Variants in CPM observed in about 807,000 individuals in gnomAD.
CPM encodes the protein renal carboxypeptidase.
Under a neutral mutation model 46.4 loss-of-function variants are expected in CPM, and 35 were observed. The observed-to-expected ratio is 0.75, with a 90% CI of 0.58 to 1.00. The LOEUF (loss-of-function observed/expected upper bound fraction) is 1.00. Among genes scored for constraint, CPM ranks in the 50% least tolerant of loss-of-function variants. The probability of loss-of-function intolerance (pLI) is 0.00; values close to 1 mark genes in which losing one functional copy is unlikely to be tolerated. For missense variants in CPM, 422 were observed against 530.4 expected (o/e 0.80, Z 2.01); for synonymous variants, 195 against 195.3 (o/e 1.00, Z 0.01).
intron 1 of CPM, among the ~76,000 whole-genome samples, chr12:68,962,653 GCCA>G (rs1297407181): frequency 6.6e-6 from 1 of 152,140 alleles, no homozygotes; most frequent in East Asian, 1.9e-4. Flanking sequence ...ACAAGCTCAG[GCCA>G]TGATGGGAAG....
Position 68,910,790 on chromosome 12 carries a change from C to T in CPM, c.160+21888G>A, listed in dbSNP as rs146112913. ...ATGCTACAAATACAATGCTGTATAT[C>T]CTCATATATACTTTGTGCAAATGAT... On this transcript the variant is annotated intron_variant, in intron 2 of 8. Coordinates refer to ENST00000551568, the MANE Select transcript of CPM (RefSeq NM_198320.5). Among the ~76,000 whole-genome samples the T allele has an allele frequency of 3.8e-3, 583 of 152,038 alleles. 2 individuals are homozygous for T. The highest frequency in any genetic ancestry group is 0.013 in the African/African-American group (553 of 41,462).
In CPM at chr12:68,869,470, GCTTCGGGAGTATAATGCC is replaced by G. The variant is rs772689775; in HGVS notation, c.624_641del (p.Ala209_Ser214del). Reference sequence around the variant, plus strand: ...GAAAAACATCATCATCAGGCGTTAAGCTTCGGGAGTATAATGCCCCAGTTGCTGCATTTAAAAGATGAA... The same window carrying G: ...GAAAAACATCATCATCAGGCGTTAAGCCAGTTGCTGCATTTAAAAGATGAA... On this transcript the variant is annotated inframe_deletion, in exon 6 of 9. Transcript: ENST00000551568. 1 of 1,611,114 alleles carries G rather than the reference GCTTCGGGAGTATAATGCC, an allele frequency of 6.2e-7. No individual in the cohort carries two copies. The highest frequency in any genetic ancestry group is 8.5e-7 in the Non-Finnish European group (1 of 1,178,238).
upstream of CPM, among the ~76,000 whole-genome samples, chr12:68,937,214 GTA>G (rs1269619289): frequency 6.6e-6 from 1 of 152,248 alleles, no homozygotes; most frequent in Non-Finnish European, 1.5e-5. Context: ...TGTTGAGTTT[GTA>G]TATGTTAGGA....
At chr12:68,919,156 C>G (rs926494947) in intron 2 of CPM, among the ~76,000 whole-genome samples, 3 of 152,204 alleles carry the variant, frequency 2.0e-5, no homozygotes, top group African/African-American at 7.2e-5. Flanking sequence ...TCCACTTTAA[C>G]CTACCATCTT....
At chr12:68,860,928 T>C (rs1202315670) in intron 7 of CPM, among the ~76,000 whole-genome samples, 4 of 152,108 alleles carry the variant, frequency 2.6e-5, no homozygotes, top group Non-Finnish European at 5.9e-5. Flanking sequence ...TCACCCAGGC[T>C]GGAGTGCAGT....
At position 68,853,119 on chromosome 12, in the gene CPM, C is replaced by T. The variant is rs1592625304; in HGVS notation, c.*3318G>A. On this transcript the variant is annotated 3_prime_UTR_variant, in exon 9 of 9. Transcript: ENST00000551568. ...TTTGAGTCTGATAGATAACTAAATT[C>T]TGATTTTAAAAACTATTTCAGCAAG... 1 of 152,126 alleles carries T rather than the reference C, an allele frequency of 6.6e-6. No homozygotes were observed. The highest frequency in any genetic ancestry group is 2.4e-5 in the African/African-American group (1 of 41,404). The allele number at this position is 152,126 out of a possible 1,614,324, so 9.4% of individuals were successfully genotyped here.
chr12:68,932,048 A>G (rs895536640), intron 2 of CPM, among the ~76,000 whole-genome samples: 5 of 152,208 alleles, frequency 3.3e-5, no homozygotes, highest in African/African-American at 1.2e-4. Context: ...TCTTCTTCAA[A>G]TGGATACATT....
chr12:68,939,124 TG>T (rs1009619941), intron 1 of CPM, among the ~76,000 whole-genome samples: 3 of 145,930 alleles, frequency 2.1e-5, no homozygotes, highest in African/African-American at 5.0e-5. Context: ...CATACATATA[TG>T]TATGTATATA....
At chr12:68,869,755 A>G (rs1038058459) in intron 5 of CPM, among the ~76,000 whole-genome samples, 1 of 152,172 alleles carries the variant, frequency 6.6e-6, no homozygotes, top group Non-Finnish European at 1.5e-5. Context: ...CACTCTTGCT[A>G]ATTTCTGGAG....
intron 3 of CPM, among the ~76,000 whole-genome samples, chr12:68,877,229 C>T (rs1741701828): frequency 6.6e-6 from 1 of 152,156 alleles, no homozygotes; most frequent in African/African-American, 2.4e-5. Context: ...GACTGACCTC[C>T]CTTTCTCTAA....
chr12:68,936,552 T>G (rs1592711098), upstream of CPM, among the ~76,000 whole-genome samples: 1 of 152,056 alleles, frequency 6.6e-6, no homozygotes, highest in Non-Finnish European at 1.5e-5. Context: ...CCTGGCTAAT[T>G]TTTGTATTTT....
At chr12:68,938,398 T>TAA (rs200022100) in intron 1 of CPM, among the ~76,000 whole-genome samples, 7 of 145,060 alleles carry the variant, frequency 4.8e-5, no homozygotes, top group African/African-American at 1.5e-4. Flanking sequence ...GACTCTGTCT[T>TAA]AAAAAAAAAA....
intron 1 of CPM, among the ~76,000 whole-genome samples, chr12:68,962,931 G>A (rs1342368882): frequency 6.6e-6 from 1 of 152,134 alleles, no homozygotes; most frequent in African/African-American, 2.4e-5. Flanking sequence ...CACCTTTCTG[G>A]ACCAAACCAA....
chr12:68,926,874 C>G (rs1184830750), intron 2 of CPM, among the ~76,000 whole-genome samples: 1 of 152,166 alleles, frequency 6.6e-6, no homozygotes, highest in Non-Finnish European at 1.5e-5. Context: ...TCATCCATGT[C>G]CCTACAAAGG....
At position 68,856,359 on chromosome 12, in the gene CPM, T is replaced by C; in HGVS notation, c.*78A>G. ...TTCTCCAGTCAAGGTCCCACTAGAGTGAGTTAGGGTTGCAGTAACCTGGAG... is the reference window on the plus strand; with the variant it reads ...TTCTCCAGTCAAGGTCCCACTAGAGCGAGTTAGGGTTGCAGTAACCTGGAG... On this transcript the variant is annotated 3_prime_UTR_variant, in exon 9 of 9. Coordinates refer to ENST00000551568, the MANE Select transcript of CPM (RefSeq NM_198320.5). 6.8e-7 allele frequency: 1 copy of C among 1,480,004 alleles called. No homozygotes were observed. The highest frequency in any genetic ancestry group is 9.2e-7 in the Non-Finnish European group (1 of 1,091,798). 91.7% of individuals were successfully genotyped at this position (1,480,004 alleles called of 1,614,324 possible). A position where few individuals can be genotyped will look rare whatever the true frequency, so the allele number is the denominator to read the frequency against.
chr12:68,877,942 T>C (rs974213496), intron 3 of CPM, among the ~76,000 whole-genome samples: 2 of 152,246 alleles, frequency 1.3e-5, no homozygotes, highest in African/African-American at 4.8e-5. Flanking sequence ...CTGTCTCTTA[T>C]ACTTAGAAGG....
intron 1 of CPM, chr12:68,957,488 T>C (rs1224687203): frequency 7.8e-6 from 2 of 256,176 alleles, no homozygotes; most frequent in African/African-American, 2.3e-5. Context: ...AGTTGAGAAA[T>C]ACAGCTCCAG....
intron 2 of CPM, among the ~76,000 whole-genome samples, chr12:68,915,607 G>T (rs1468039236): frequency 2.6e-5 from 4 of 152,212 alleles, no homozygotes; most frequent in African/African-American, 9.7e-5. Context: ...ACTGTTGACT[G>T]TAACGAACAA....
At chr12:68,910,134 T>C (rs1198560537) in intron 2 of CPM, among the ~76,000 whole-genome samples, 1 of 152,170 alleles carries the variant, frequency 6.6e-6, no homozygotes, top group Non-Finnish European at 1.5e-5. Flanking sequence ...GCTAATGTGC[T>C]TGTTTAACAG....
Sources: allele counts gnomAD v4.1 joint callset (sites outside exome capture counted in the v4.1 genomes callset), GRCh38; gene constraint gnomAD v4.1.1; transcripts MANE v1.5; gene names NCBI Gene and HGNC (gene_info 2026-07-23, HGNC 2026-07-21).